Variants in ATP8B1 observed in about 807,000 individuals in gnomAD.
ATP8B1 encodes the protein ATPase phospholipid transporting 8B1.
ATP8B1 carries 80 observed loss-of-function variants against 149.9 expected under a neutral mutation model. The ratio of observed to expected loss-of-function variants is 0.53; its 90% CI spans 0.45 to 0.64. The LOEUF is 0.64. Ranked by LOEUF, ATP8B1 falls within the 30% of genes least tolerant of loss-of-function variation. The probability of loss-of-function intolerance (pLI) is 0.00; values close to 1 mark genes in which losing one functional copy is unlikely to be tolerated. For missense variants in ATP8B1, 1,247 were observed against 1,552.6 expected (o/e 0.80, Z 3.31); for synonymous variants, 536 against 562.8 (o/e 0.95, Z 0.67).
chr18:57,715,720 A>T (rs2123038276), intron 2 of ATP8B1, among the ~76,000 whole-genome samples: 1 of 152,340 alleles, frequency 6.6e-6, no homozygotes, highest in South Asian at 2.1e-4. Context: ...GGCATGACAT[A>T]TTTAAAGTGC....
intron 1 of ATP8B1, among the ~76,000 whole-genome samples, chr18:57,778,577 C>G (rs892617648): frequency 6.6e-6 from 1 of 152,106 alleles, no homozygotes; most frequent in Admixed American, 6.6e-5. Context: ...GGCTCAGGGT[C>G]TCCTCCCAAG....
At chr18:57,713,263 CTCTT>C (rs796584334) in intron 2 of ATP8B1, among the ~76,000 whole-genome samples, 21 of 94,528 alleles carry the variant, frequency 2.2e-4, no homozygotes, top group Non-Finnish European at 3.6e-4. Flanking sequence ...TTCTTTCTTT[CTCTT>C]TCTTTCTTTC....
intron 12 of ATP8B1, 177 bp from the exon 13 acceptor site, chr18:57,688,684 A>G: frequency 1.5e-6 from 1 of 678,432 alleles, no homozygotes; most frequent in Non-Finnish European, 2.6e-6. Context: ...AACAGTATTG[A>G]GGTGGGGCCT....
chr18:57,760,934 A>G (rs899758935), intron 1 of ATP8B1, among the ~76,000 whole-genome samples: 3 of 152,046 alleles, frequency 2.0e-5, no homozygotes, highest in Non-Finnish European at 4.4e-5. Flanking sequence ...GGTTGCAGTG[A>G]GCCGAGATCG....
chr18:57,669,480 G>C lies in ATP8B1; in HGVS notation c.1935C>G (p.Ile645Met). The C allele has an allele frequency of 1.2e-6, 2 of 1,610,716 alleles. No homozygotes were observed. The highest frequency in any genetic ancestry group is 1.7e-6 in the Non-Finnish European group (2 of 1,177,418). Residue 645 changes from isoleucine (I) to methionine (M), a missense_variant and splice_region_variant, in exon 18 of 28, where the codon ATC becomes ATG. This residue lies in a region of ATP8B1 where 853 missense variants were observed against 1,035.7 expected (regional missense o/e 0.82). Coordinates refer to ENST00000648908, the MANE Select transcript of ATP8B1 (RefSeq NM_001374385.1). The stretch of plus-strand genomic sequence containing the variant: ...GGGTTCTAAGAGTTTCATTTGCAAA[G>C]ATCTGTTTTATTTAAAAAAATAAAT... Reference protein sequence around the residue: ...TKQETQDALDIFANETLRTLC... With the variant: ...TKQETQDALDMFANETLRTLC...
intron 15 of ATP8B1, among the ~76,000 whole-genome samples, chr18:57,681,325 C>T (rs1052560511): frequency 8.5e-5 from 13 of 152,130 alleles, no homozygotes; most frequent in Admixed American, 2.6e-4. Context: ...TGCAACCACA[C>T]GTGAACGTGG....
At chr18:57,673,036 T>A (rs905187222) in intron 16 of ATP8B1, among the ~76,000 whole-genome samples, 2 of 101,272 alleles carry the variant, frequency 2.0e-5, no homozygotes, top group Non-Finnish European at 2.4e-5. Flanking sequence ...TATATATATA[T>A]AAATATAAAT....
Position 57,672,921 on chromosome 18 carries a change from T to C in ATP8B1, c.1820-1341A>G, listed in dbSNP as rs1309368544. ...ATATATATATATATATATATATATA[T>C]ATATATATATAACATGTATATACAC... On this transcript the variant is annotated intron_variant, in intron 16 of 27. Transcript: ENST00000648908. Among the ~76,000 whole-genome samples the C allele has an allele frequency of 1.5e-3, 73 of 48,318 alleles. 1 individual carries two copies. The highest frequency in any genetic ancestry group is 2.0e-3 in the Non-Finnish European group (59 of 29,292). The allele number at this position is 48,318 out of a possible 152,430, so 31.7% of individuals were successfully genotyped here.
intron 1 of ATP8B1, among the ~76,000 whole-genome samples, chr18:57,768,402 A>AG (rs1319468505): frequency 2.7e-5 from 4 of 149,682 alleles, no homozygotes; most frequent in East Asian, 1.9e-4. Flanking sequence ...AAAAAAAAAA[A>AG]AAAAAAAAGA....
chr18:57,674,388 T>TTTC (rs1428910729), intron 16 of ATP8B1, among the ~76,000 whole-genome samples: 2 of 133,046 alleles, frequency 1.5e-5, no homozygotes, highest in Admixed American at 7.3e-5. Context: ...ACCAGTTTCT[T>TTTC]TTTTTTTTTT....
intron 1 of ATP8B1, among the ~76,000 whole-genome samples, chr18:57,763,709 G>A (rs749674246): frequency 6.7e-6 from 1 of 150,202 alleles, no homozygotes; most frequent in East Asian, 2.0e-4. Flanking sequence ...CTTTTTTTTG[G>A]GGGGCGGGGG....
At chr18:57,698,412 C>A (rs1912939252) in intron 6 of ATP8B1, among the ~76,000 whole-genome samples, 1 of 152,094 alleles carries the variant, frequency 6.6e-6, no homozygotes, top group Non-Finnish European at 1.5e-5. Context: ...GGCACGATCT[C>A]AGCTCACTGC....
chr18:57,772,334 G>A (rs2080270478), intron 1 of ATP8B1, among the ~76,000 whole-genome samples: 2 of 152,282 alleles, frequency 1.3e-5, no homozygotes, highest in South Asian at 2.1e-4. Context: ...TGGCCTTGAA[G>A]GTCAAGTCCC....
chr18:57,661,295 T>C lies in ATP8B1; in HGVS notation c.2586A>G (p.Ala862=), dbSNP rs768040256. The part of the protein sequence containing the change: ...NFVDLACECS[A]VICCRVTPKQ... ...TGGGGGTGACGCGGCAGCAGATGAC[T>C]GCGCTGCACTCGCAGGCCAGGTCCA... The change falls in exon 22 of 28, where the codon GCA becomes GCG. Residue 862 remains alanine, a synonymous_variant. Coordinates refer to ENST00000648908, the MANE Select transcript of ATP8B1 (RefSeq NM_001374385.1). The C allele has an allele frequency of 6.2e-7, 1 of 1,614,028 alleles. No individual in the cohort carries two copies. The highest frequency in any genetic ancestry group is 1.1e-5 in the South Asian group (1 of 91,080).
At chr18:57,750,902 T>A (rs1199018000) in intron 1 of ATP8B1, among the ~76,000 whole-genome samples, 1 of 152,170 alleles carries the variant, frequency 6.6e-6, no homozygotes. Flanking sequence ...GTGGATCGCT[T>A]GAGACCAGGA....
chr18:57,717,419 G>A (rs2079592454), intron 2 of ATP8B1, among the ~76,000 whole-genome samples: 1 of 150,880 alleles, frequency 6.6e-6, no homozygotes, highest in African/African-American at 2.4e-5. Context: ...ACAGTGGCGG[G>A]CACCTGTAGT....
At position 57,665,741 on chromosome 18, in the gene ATP8B1, C is replaced by T. The variant is rs550567666; in HGVS notation, c.2285+1351G>A. Reference sequence around the variant, plus strand: ...CTAATTTTTGTATTTTTAGTAGAGACGGGGTTTCATCATATCAGTCAGGCT... The same window carrying T: ...CTAATTTTTGTATTTTTAGTAGAGATGGGGTTTCATCATATCAGTCAGGCT... On this transcript the variant is annotated intron_variant, in intron 20 of 27. Coordinates refer to ENST00000648908, the MANE Select transcript of ATP8B1 (RefSeq NM_001374385.1). 6.4e-3 allele frequency among the ~76,000 whole-genome samples: 974 copies of T among 152,066 alleles called. 12 individuals are homozygous for T. The highest frequency in any genetic ancestry group is 0.022 in the African/African-American group (902 of 41,452).
In ATP8B1 at chr18:57,762,386, G is replaced by A. The variant is rs535631944; in HGVS notation, c.-25-30554C>T. ...ACTCCTGACCTCAAGTGATCTGCCCGCGTCAGCCCCCCGAAGTGCTGAGAT... is the reference window on the plus strand; with the variant it reads ...ACTCCTGACCTCAAGTGATCTGCCCACGTCAGCCCCCCGAAGTGCTGAGAT... On this transcript the variant is annotated intron_variant, in intron 1 of 27. Transcript: ENST00000648908. Among the ~76,000 whole-genome samples the A allele has an allele frequency of 1.1e-3, 170 of 151,996 alleles. No individual in the cohort carries two copies. The South Asian group carries it at 0.014, about 12-fold the overall frequency.
chr18:57,733,622 C>T (rs971264165), intron 1 of ATP8B1, among the ~76,000 whole-genome samples: 5 of 146,376 alleles, frequency 3.4e-5, no homozygotes, highest in African/African-American at 5.1e-5. Flanking sequence ...AGGAGAATGG[C>T]GTGAACCCGG....
Sources: gnomAD v4.1 joint callset for allele counts (sites outside exome capture counted in the v4.1 genomes callset) on GRCh38, gnomAD v4.1.1 for gene constraint, gnomAD v4.1.1 regional missense constraint, MANE v1.5 for transcripts, NCBI Gene and HGNC (gene_info 2026-07-23, HGNC 2026-07-21) for gene names.